The following CFAP77 variants were observed in gnomAD, a reference collection of about 807,000 sequenced individuals.
The protein encoded by CFAP77 is cilia and flagella associated protein 77.
CFAP77 carries 25 observed loss-of-function variants against 31.1 expected under a neutral mutation model. That is an observed-to-expected ratio of 0.80 (90% CI 0.59 to 1.12). The LOEUF (loss-of-function observed/expected upper bound fraction) is 1.12. Ranked by LOEUF, CFAP77 falls within the 50% of genes most tolerant of loss-of-function variation. CFAP77 has a pLI of 0.00. For synonymous variants in CFAP77, 151 were observed against 159.9 expected, an observed-to-expected ratio of 0.94 and a Z score of 0.42; for missense variants, 377 against 397.3, an observed-to-expected ratio of 0.95 and a Z score of 0.44.
At chr9:132,530,091 T>C (rs1321916349) in intron 3 of CFAP77, among the ~76,000 whole-genome samples, 1 of 151,644 alleles carries the variant, frequency 6.6e-6, no homozygotes, top group African/African-American at 2.4e-5. Flanking sequence ...TTCTCTTTGA[T>C]GAAATATCTC....
intron 5 of CFAP77, among the ~76,000 whole-genome samples, chr9:132,547,713 G>A (rs1044964211): frequency 5.9e-5 from 9 of 152,198 alleles, no homozygotes; most frequent in Non-Finnish European, 2.9e-5. Flanking sequence ...CAGGTGCGCC[G>A]TGTCCACAGC....
chr9:132,438,591 TG>T (rs1850557390), intron 1 of CFAP77, among the ~76,000 whole-genome samples: 1 of 146,354 alleles, frequency 6.8e-6, no homozygotes, highest in South Asian at 2.2e-4. Context: ...GGCTGGAATG[TG>T]GTGTCACATC....
intron 5 of CFAP77, among the ~76,000 whole-genome samples, chr9:132,557,103 G>A (rs1852917251): frequency 6.6e-6 from 1 of 152,162 alleles, no homozygotes; most frequent in Non-Finnish European, 1.5e-5. Context: ...GCGATGGCGC[G>A]GCGGTTATCA....
chr9:132,435,616 TTCA>T (rs1368909959), intron 1 of CFAP77, among the ~76,000 whole-genome samples: 1 of 152,194 alleles, frequency 6.6e-6, no homozygotes, highest in Admixed American at 6.5e-5. Flanking sequence ...TTAAAGAAGC[TTCA>T]TCGATACCGA....
At position 132,508,706 on chromosome 9, in the gene CFAP77, A is replaced by G. The variant is rs1413501621; in HGVS notation, c.524+9106A>G. Among the ~76,000 whole-genome samples the G allele has an allele frequency of 3.9e-5, 6 of 152,176 alleles. No individual in the cohort carries two copies. The South Asian group carries it at 1.0e-3, about 26-fold the overall frequency. On this transcript the variant is annotated intron_variant, in intron 3 of 5. Transcript: ENST00000393216. ...TGTGTTGGAAGGGGGCAGTCCTCACAGCTGACACTTTCTGGGCCCCCACTG... is the reference window on the plus strand; with the variant it reads ...TGTGTTGGAAGGGGGCAGTCCTCACGGCTGACACTTTCTGGGCCCCCACTG...
intron 5 of CFAP77, among the ~76,000 whole-genome samples, chr9:132,569,409 C>T (rs887548661): frequency 6.6e-6 from 1 of 150,944 alleles, no homozygotes; most frequent in South Asian, 2.1e-4. Context: ...CTGATGGGGG[C>T]GGAGGGTGGT....
chr9:132,458,354 G>GAGGT (rs1554738885), intron 1 of CFAP77, among the ~76,000 whole-genome samples: 49 of 143,904 alleles, frequency 3.4e-4, no homozygotes, highest in African/African-American at 9.0e-4. Flanking sequence ...GGGGAGGGGG[G>GAGGT]GGGGTGTGTA....
At chr9:132,460,491 C>G (rs1255372174) in intron 1 of CFAP77, among the ~76,000 whole-genome samples, 1 of 152,074 alleles carries the variant, frequency 6.6e-6, no homozygotes, top group Non-Finnish European at 1.5e-5. Context: ...AAACATTATA[C>G]TAAGGGAAAG....
chr9:132,438,880 C>CT (rs890261288), intron 1 of CFAP77, among the ~76,000 whole-genome samples: 403 of 143,252 alleles, frequency 2.8e-3, no homozygotes, highest in African/African-American at 8.3e-3. Flanking sequence ...CTTTTCTTTT[C>CT]TTTTTTTTTT....
intron 1 of CFAP77, among the ~76,000 whole-genome samples, chr9:132,470,576 T>C (rs987314602): frequency 2.0e-5 from 3 of 152,242 alleles, no homozygotes; most frequent in African/African-American, 7.2e-5. Context: ...ATTCTTTTTT[T>C]GAGAAAGAAA....
chr9:132,436,757 T>G (rs1490845710), intron 1 of CFAP77, among the ~76,000 whole-genome samples: 1 of 152,112 alleles, frequency 6.6e-6, no homozygotes. Context: ...ACGCTTCAAG[T>G]GAGATTCCTG....
intron 5 of CFAP77, among the ~76,000 whole-genome samples, chr9:132,556,816 GC>G (rs2119092352): frequency 6.6e-6 from 1 of 152,318 alleles, no homozygotes; most frequent in East Asian, 1.9e-4. Flanking sequence ...AGCCGAGGCC[GC>G]TCCTGGCGCG....
chr9:132,498,844 C>A lies in CFAP77; in HGVS notation c.295+50C>A. 1.5e-6 allele frequency: 2 copies of A among 1,319,392 alleles called. No individual in the cohort carries two copies. Among genetic ancestry groups the A allele is most frequent in the South Asian group, 1.2e-5 (1 of 80,024 alleles). The allele number at this position is 1,319,392 out of a possible 1,614,324, so 81.7% of individuals were successfully genotyped here. On this transcript the variant is annotated intron_variant, in intron 2 of 5. Coordinates refer to ENST00000393216, the MANE Select transcript of CFAP77 (RefSeq NM_001282957.2). The surrounding 1 kb of genome is among the most constrained non-coding windows in gnomAD (Gnocchi z 4.2). ...AGGGCAGAGGAGTGGGAGGGAGGCT[C>A]ACCCCTCTTCACAGACCCCTTGACC...
At chr9:132,556,926 TCTCC>T (rs1852915326) in intron 5 of CFAP77, among the ~76,000 whole-genome samples, 2 of 152,064 alleles carry the variant, frequency 1.3e-5, no homozygotes, top group Non-Finnish European at 2.9e-5. Context: ...AGGCCCCGCG[TCTCC>T]TTCGCCACGC....
chr9:132,526,157 T>C (rs1852356718), intron 3 of CFAP77, among the ~76,000 whole-genome samples: 1 of 152,198 alleles, frequency 6.6e-6, no homozygotes, highest in Non-Finnish European at 1.5e-5. Flanking sequence ...AAGCTTTCAT[T>C]TCTCTGGAAT....
At chr9:132,464,706 C>G (rs959533840) in intron 1 of CFAP77, among the ~76,000 whole-genome samples, 2 of 152,076 alleles carry the variant, frequency 1.3e-5, no homozygotes, top group African/African-American at 4.8e-5. Context: ...TCCAGCCTGC[C>G]GTGTTTCAAG....
At chr9:132,432,925 AG>A (rs1480983113) in intron 1 of CFAP77, among the ~76,000 whole-genome samples, 4 of 152,110 alleles carry the variant, frequency 2.6e-5, no homozygotes, top group African/African-American at 9.7e-5. Flanking sequence ...CATGTTAGCC[AG>A]GATGGTCTTG....
At chr9:132,482,863 T>G (rs1851472199) in intron 1 of CFAP77, among the ~76,000 whole-genome samples, 1 of 146,660 alleles carries the variant, frequency 6.8e-6, no homozygotes, top group Non-Finnish European at 1.5e-5. Flanking sequence ...AATGACGAGT[T>G]AATGGGTGCA....
Position 132,499,667 on chromosome 9 carries a change from A to T in CFAP77, c.524+67A>T. On this transcript the variant is annotated intron_variant, in intron 3 of 5. Coordinates refer to ENST00000393216, the MANE Select transcript of CFAP77 (RefSeq NM_001282957.2). This position sits in a 1 kb window ranked among gnomAD's most constrained non-coding sequence, Gnocchi z 5.4. ...GGAGGTACCAGCTCAATCAGGGACA[A>T]GGTCGGAGGGTGACAGGGAAGTGGA... 6.9e-7 allele frequency: 1 copy of T among 1,446,172 alleles called. No homozygotes were observed. The highest frequency in any genetic ancestry group is 9.7e-7 in the Non-Finnish European group (1 of 1,031,202). 89.6% of individuals were successfully genotyped at this position (1,446,172 alleles called of 1,614,324 possible).
Sources: allele counts gnomAD v4.1 joint callset (sites outside exome capture counted in the v4.1 genomes callset), GRCh38; gene constraint gnomAD v4.1.1; non-coding constraint Gnocchi (gnomAD v3.1); transcripts MANE v1.5; gene names NCBI Gene and HGNC (gene_info 2026-07-23, HGNC 2026-07-21).